MACROD1: variants seen among roughly 807,000 people sequenced by gnomAD.
MACROD1 encodes the protein mono-ADP ribosylhydrolase 1.
Under a neutral mutation model 41.4 loss-of-function variants are expected in MACROD1, and 31 were observed. The observed-to-expected ratio is 0.75, with a 90% CI of 0.56 to 1.01. MACROD1 has a LOEUF of 1.01. Among genes scored for constraint, MACROD1 ranks in the 50% least tolerant of loss-of-function variants. The pLI, the probability that MACROD1 is intolerant of heterozygous loss-of-function variation, is 0.00. For missense variants in MACROD1, 473 were observed against 460.0 expected (o/e 1.03, Z -0.26); for synonymous variants, 252 against 203.4 (o/e 1.24, Z -2.03).
At chr11:64,127,518 C>T (rs945990727) in intron 3 of MACROD1, among the ~76,000 whole-genome samples, 2 of 152,220 alleles carry the variant, frequency 1.3e-5, no homozygotes, top group South Asian at 2.1e-4. Flanking sequence ...GGCGGTGACC[C>T]GGCAGGATGG....
chr11:63,999,658 T>A lies in MACROD1; in HGVS notation c.770A>T (p.His257Leu). ...GTCCCTCACCACCGAGCGGAGCCGG[T>A]GCTCCAGCAGCAGGTCCAGACTGCT... ...YLSSLDLLLE[H>L]RLRSVAFPCI... The change falls in exon 6 of 11, where the codon CAC (histidine) becomes CTC (leucine). Residue 257 changes from histidine (H) to leucine (L), a missense_variant. Transcript: ENST00000255681. 6.2e-7 allele frequency: 1 copy of A among 1,609,206 alleles called. No individual in the cohort carries two copies. The highest frequency in any genetic ancestry group is 8.5e-7 in the Non-Finnish European group (1 of 1,178,922).
rs576842826 is a variant in MACROD1, at chr11:64,001,360, C to T, written c.548-1017G>A. The T allele has an allele frequency of 6.2e-5, 43 of 693,844 alleles. No homozygotes were observed. The African/African-American group carries it at 6.5e-4, about 10-fold the overall frequency. The allele number at this position is 693,844 out of a possible 1,614,324, so 43.0% of individuals were successfully genotyped here. ...CCGGGAGGACAGGGCCCATCTTTGG[C>T]AGCTCTGATCGCCCACGCCAGGAGC... On this transcript the variant is annotated intron_variant, in intron 4 of 10. Transcript: ENST00000255681.
chr11:63,998,858 T>A lies in MACROD1; in HGVS notation c.*10A>T. ...CTTACCAGTCCCGGTCAGGGTGGGC[T>A]GCGGGAGCCTCAGGCTGGAAGGCAG... is the stretch of plus-strand genomic sequence containing the variant. On this transcript the variant is annotated 3_prime_UTR_variant, in exon 10 of 11. Coordinates refer to ENST00000255681, the MANE Select transcript of MACROD1 (RefSeq NM_014067.4). 1.3e-6 allele frequency: 2 copies of A among 1,590,620 alleles called. No homozygotes were observed. Among genetic ancestry groups the A allele is most frequent in the Non-Finnish European group, 1.7e-6 (2 of 1,170,402 alleles).
chr11:64,053,539 T>C (rs990453445), intron 3 of MACROD1, among the ~76,000 whole-genome samples: 7 of 152,022 alleles, frequency 4.6e-5, no homozygotes, highest in Non-Finnish European at 7.4e-5. Context: ...TCTGAGGCTG[T>C]AGGGACAACC....
intron 3 of MACROD1, among the ~76,000 whole-genome samples, chr11:64,111,789 T>C (rs1944867485): frequency 6.6e-6 from 1 of 152,198 alleles, no homozygotes; most frequent in Non-Finnish European, 1.5e-5. Context: ...TGGGCCAGTG[T>C]CCTTCCCAGT....
intron 3 of MACROD1, among the ~76,000 whole-genome samples, chr11:64,143,753 TACACACACACACACACACACACAC>T (rs55995667): frequency 9.8e-6 from 1 of 101,616 alleles, no homozygotes; most frequent in African/African-American, 4.3e-5. Flanking sequence ...GACACACACA[TACACACACACACACACACACACAC>T]ACACACACAC....
Position 64,136,034 on chromosome 11 carries a change from T to C in MACROD1, c.517+15205A>G, listed in dbSNP as rs371999337. On this transcript the variant is annotated intron_variant, in intron 3 of 10. Transcript: ENST00000255681. ...TCCTAGGCAGCCAAACCCACCGTCC[T>C]GCTCCCCGCCACGCTCGGCTGAGCC... Among the ~76,000 whole-genome samples, 5 of 152,320 alleles carry C rather than the reference T, an allele frequency of 3.3e-5. No homozygotes were observed. In the East Asian group the frequency reaches 5.8e-4, roughly 18 times the overall value.
chr11:64,093,766 G>C (rs1404430156), intron 3 of MACROD1, among the ~76,000 whole-genome samples: 1 of 152,214 alleles, frequency 6.6e-6, no homozygotes, highest in African/African-American at 2.4e-5. Flanking sequence ...TAAGAGCCCA[G>C]AACAGAACAG....
chr11:64,149,024 G>A, intron 3 of MACROD1: 1 of 985,336 alleles, frequency 1.0e-6, no homozygotes, highest in African/African-American at 1.7e-5. Flanking sequence ...GGTCCTCCTG[G>A]CTGTGAGAGT....
chr11:64,070,720 A>G (rs1413019126), intron 3 of MACROD1, among the ~76,000 whole-genome samples: 7 of 152,232 alleles, frequency 4.6e-5, no homozygotes, highest in Non-Finnish European at 1.0e-4. Flanking sequence ...TAAAACAGCA[A>G]AACAGCTGCC....
chr11:64,132,226 G>A (rs1945276108), intron 3 of MACROD1, among the ~76,000 whole-genome samples: 1 of 152,124 alleles, frequency 6.6e-6, no homozygotes, highest in Non-Finnish European at 1.5e-5. Context: ...GGTCCCGGGA[G>A]GAGAGCTGTT....
intron 5 of MACROD1, chr11:64,000,021 C>A (rs1565189034): frequency 1.7e-5 from 11 of 631,178 alleles, no homozygotes; most frequent in Non-Finnish European, 3.0e-5. Flanking sequence ...GCGTTGCCCC[C>A]CAGCTCCATC....
At chr11:64,057,700 C>T (rs759962382) in intron 3 of MACROD1, among the ~76,000 whole-genome samples, 1 of 152,226 alleles carries the variant, frequency 6.6e-6, no homozygotes, top group Non-Finnish European at 1.5e-5. Flanking sequence ...TCTATCTGTA[C>T]CCAGACCTGA....
At chr11:64,130,734 C>T (rs1945254020) in intron 3 of MACROD1, among the ~76,000 whole-genome samples, 1 of 152,212 alleles carries the variant, frequency 6.6e-6, no homozygotes, top group Admixed American at 6.5e-5. Context: ...CGTCACCTTC[C>T]AGTGCTGACA....
intron 3 of MACROD1, among the ~76,000 whole-genome samples, chr11:64,049,680 C>T (rs1468101440): frequency 6.6e-6 from 1 of 152,216 alleles, no homozygotes; most frequent in Non-Finnish European, 1.5e-5. Flanking sequence ...AGACAGACAG[C>T]TCAGTGATCT....
At chr11:64,069,832 T>C (rs1227471771) in intron 3 of MACROD1, among the ~76,000 whole-genome samples, 1 of 152,144 alleles carries the variant, frequency 6.6e-6, no homozygotes, top group Non-Finnish European at 1.5e-5. Flanking sequence ...TCGACAGTCA[T>C]TAAGTCTTTA....
At chr11:64,015,441 T>C (rs532644079) in intron 3 of MACROD1, among the ~76,000 whole-genome samples, 160 bp from the exon 4 acceptor site, 2 of 152,118 alleles carry the variant, frequency 1.3e-5, no homozygotes, top group South Asian at 2.1e-4. Flanking sequence ...TAGTAGACGA[T>C]GGTGAAGAGG....
chr11:64,151,359 G>A lies in MACROD1; in HGVS notation c.401-4C>T, dbSNP rs145110640. On this transcript the variant is annotated splice_polypyrimidine_tract_variant and splice_region_variant and intron_variant, in intron 2 of 10. Coordinates refer to ENST00000255681, the MANE Select transcript of MACROD1 (RefSeq NM_014067.4). ...TCCTCCACCTTCACAGCCACCCCTG[G>A]AACAAGTAGGGGCCGGGGAGGTCAC... is the stretch of plus-strand genomic sequence containing the variant. 3 of 1,608,458 alleles carry A rather than the reference G, an allele frequency of 1.9e-6. No individual in the cohort carries two copies. The highest frequency in any genetic ancestry group is 2.6e-6 in the Non-Finnish European group (3 of 1,175,820).
chr11:64,165,559 C>T, intron 1 of MACROD1, 138 bp downstream of exon 1: 1 of 696,600 alleles, frequency 1.4e-6, no homozygotes, highest in Non-Finnish European at 2.1e-6. Context: ...GAGGAGGGGT[C>T]CGTTCCAGGG....
Sources: allele counts gnomAD v4.1 joint callset (sites outside exome capture counted in the v4.1 genomes callset), GRCh38; gene constraint gnomAD v4.1.1; transcripts MANE v1.5; gene names NCBI Gene and HGNC (gene_info 2026-07-23, HGNC 2026-07-21).